Variants in LGALS9 observed in about 807,000 individuals in gnomAD.
The protein encoded by LGALS9 is galectin-9.
In LGALS9, 26 loss-of-function variants were observed where a neutral mutation model predicts 35.9. The ratio of observed to expected loss-of-function variants is 0.72; its 90% CI spans 0.53 to 1.01. LGALS9 has a LOEUF of 1.01. Ranked by LOEUF, LGALS9 falls within the 50% of genes least tolerant of loss-of-function variation. The probability of loss-of-function intolerance (pLI) is 0.00; values close to 1 mark genes in which losing one functional copy is unlikely to be tolerated. For missense variants in LGALS9, 347 were observed against 445.8 expected (o/e 0.78, Z 1.99); for synonymous variants, 149 against 172.2 (o/e 0.87, Z 1.06).
At chr17:27,643,128 G>T (rs1405339994) in intron 4 of LGALS9, among the ~76,000 whole-genome samples, 22 of 152,222 alleles carry the variant, frequency 1.4e-4, no homozygotes, top group Non-Finnish European at 1.5e-5. Context: ...GAAGATTAGG[G>T]TATGCTGGGC....
At chr17:27,648,743 G>C (rs112200383) in intron 10 of LGALS9, 93 bp from the exon 11 acceptor site, 49 of 1,594,588 alleles carry the variant, frequency 3.1e-5, no homozygotes, top group African/African-American at 2.6e-4. Flanking sequence ...AACAACTGAG[G>C]AGGGAGGGAG....
At chr17:27,648,726 G>A in intron 10 of LGALS9, 110 bp from the exon 11 acceptor site, 1 of 1,548,872 alleles carries the variant, frequency 6.5e-7, no homozygotes, top group Admixed American at 1.8e-5. Flanking sequence ...CAGGTGAGGG[G>A]CTTATTAACA....
At chr17:27,645,592 A>G in intron 6 of LGALS9, 1 of 616,232 alleles carries the variant, frequency 1.6e-6, no homozygotes, top group Non-Finnish European at 2.8e-6. Flanking sequence ...TGTCACCTGC[A>G]AAGGGAGGCT....
At chr17:27,641,377 C>T (rs1904486383) in intron 3 of LGALS9, among the ~76,000 whole-genome samples, 1 of 152,148 alleles carries the variant, frequency 6.6e-6, no homozygotes, top group Admixed American at 6.5e-5. Flanking sequence ...AGATCATGTC[C>T]TTTGCAGGAA....
intron 10 of LGALS9, among the ~76,000 whole-genome samples, chr17:27,648,016 C>T (rs1174458070): frequency 2.6e-5 from 4 of 152,240 alleles, no homozygotes; most frequent in South Asian, 4.1e-4. Context: ...CAGGCGTGCT[C>T]CACCCTGACT....
rs1905137670 is a variant in LGALS9 at position 27,649,073 on chromosome 17, C to A, written c.*91C>A. On this transcript the variant is annotated 3_prime_UTR_variant, in exon 11 of 11. Transcript: ENST00000395473. ...ACTTCCCAGGCCCAGCCTTTCCAAC[C>A]CTGCCTGGGATCTGGGCTTTAATGC... 10 of 1,582,896 alleles carry A rather than the reference C, an allele frequency of 6.3e-6. No individual in the cohort carries two copies. Among genetic ancestry groups the A allele is most frequent in the Non-Finnish European group, 8.6e-6 (10 of 1,159,276 alleles).
chr17:27,639,797 C>T (rs959215602), intron 2 of LGALS9, among the ~76,000 whole-genome samples: 22 of 152,050 alleles, frequency 1.4e-4, no homozygotes, highest in African/African-American at 4.3e-4. Flanking sequence ...AGTGCTGTGG[C>T]GCTATCTGGG....
intron 1 of LGALS9, among the ~76,000 whole-genome samples, chr17:27,638,016 C>T (rs1410610668): frequency 1.3e-5 from 2 of 152,176 alleles, no homozygotes; most frequent in South Asian, 2.1e-4. Context: ...CTCCCTGTCG[C>T]GTCCTCTCAG....
At chr17:27,637,704 T>C (rs2074468550) in intron 1 of LGALS9, among the ~76,000 whole-genome samples, 1 of 152,144 alleles carries the variant, frequency 6.6e-6, no homozygotes, top group African/African-American at 2.4e-5. Context: ...ACAGTGGCCA[T>C]TGTTATATGG....
chr17:27,638,794 C>A (rs2074483744), intron 2 of LGALS9: 1 of 295,756 alleles, frequency 3.4e-6, no homozygotes, highest in Non-Finnish European at 6.6e-6. Flanking sequence ...AAGGCCTTTT[C>A]TAGAAACTAC....
intron 10 of LGALS9, 142 bp downstream of exon 10, chr17:27,647,574 A>AATTATTATTATT (rs61484244): frequency 4.6e-6 from 5 of 1,078,360 alleles, no homozygotes; most frequent in Admixed American, 5.7e-5. Flanking sequence ...GTGGCCAACA[A>AATTATTATTATT]ATTATTATTA....
intron 2 of LGALS9, chr17:27,638,870 G>T: frequency 4.4e-6 from 1 of 228,670 alleles, no homozygotes; most frequent in Non-Finnish European, 8.7e-6. Context: ...CTCCCAAGGT[G>T]GGCTGTCTGG....
chr17:27,641,837 G>T (rs939541236), intron 3 of LGALS9, among the ~76,000 whole-genome samples: 20 of 152,156 alleles, frequency 1.3e-4, no homozygotes, highest in Middle Eastern at 6.8e-3. Flanking sequence ...AGCTGGGTAT[G>T]GTGGTGGGCT....
At position 27,638,796 on chromosome 17, in the gene LGALS9, A is replaced by G. The variant is rs553341584; in HGVS notation, c.131+442A>G. On this transcript the variant is annotated intron_variant, in intron 2 of 10. Coordinates refer to ENST00000395473, the MANE Select transcript of LGALS9 (RefSeq NM_009587.3). ...CTCTTTTGGTTTCAAGGCCTTTTCTAGAAACTACTAAGTCAATTCAACATA... is the reference window on the plus strand; with the variant it reads ...CTCTTTTGGTTTCAAGGCCTTTTCTGGAAACTACTAAGTCAATTCAACATA... The G allele has an allele frequency of 1.5e-4, 46 of 297,306 alleles. 1 individual carries two copies. Among genetic ancestry groups the G allele is most frequent in the South Asian group, 1.1e-3 (36 of 31,958 alleles). 18.4% of individuals were successfully genotyped at this position (297,306 alleles called of 1,614,324 possible).
intron 1 of LGALS9, 148 bp downstream of exon 1, chr17:27,631,452 A>C: frequency 9.2e-7 from 1 of 1,088,940 alleles, no homozygotes; most frequent in Non-Finnish European, 1.3e-6. Flanking sequence ...AGAGGAGGTC[A>C]TCCTGGCACA....
chr17:27,642,796 G>A (rs1475706652), intron 4 of LGALS9, among the ~76,000 whole-genome samples: 2 of 152,212 alleles, frequency 1.3e-5, no homozygotes, highest in Non-Finnish European at 2.9e-5. Flanking sequence ...GGGTGGTTGT[G>A]TGGTTCAGTG....
rs1904895466 is a variant in LGALS9 at position 27,645,841 on chromosome 17, A to G, written c.577-20A>G. On this transcript the variant is annotated intron_variant, in intron 6 of 10. Transcript: ENST00000395473. ...TTTCACACGTGAGAGCCTGGGTGAGACCTGGTTTCTTTCTTCCAGACCCAG... is the reference window on the plus strand; with the variant it reads ...TTTCACACGTGAGAGCCTGGGTGAGGCCTGGTTTCTTTCTTCCAGACCCAG... 6.3e-7 allele frequency: 1 copy of G among 1,593,834 alleles called. No homozygotes were observed. Among genetic ancestry groups the G allele is most frequent in the South Asian group, 1.1e-5 (1 of 89,530 alleles).
chr17:27,643,032 G>C (rs1361370014), intron 4 of LGALS9, among the ~76,000 whole-genome samples: 2 of 152,168 alleles, frequency 1.3e-5, no homozygotes, highest in Admixed American at 6.5e-5. Flanking sequence ...GCAAGACCCT[G>C]TCTCCAAAAA....
chr17:27,640,714 C>G lies in LGALS9; in HGVS notation c.274C>G (p.Pro92Ala), dbSNP rs753232858. 89 of 1,614,070 alleles carry G rather than the reference C, an allele frequency of 5.5e-5. No homozygotes were observed. The highest frequency in any genetic ancestry group is 7.2e-5 in the Non-Finnish European group (85 of 1,180,032). The change falls in exon 3 of 11, where the codon CCT becomes GCT. Residue 92 changes from proline (P) to alanine (A), a missense_variant. Transcript: ENST00000395473. ...GCCCGAGGAGAGGAAGACACACATG[C>G]CTTTCCAGAAGGGGATGCCCTTTGA... The part of the protein sequence containing the change: ...WGPEERKTHM[P>A]FQKGMPFDLC...
Sources: gnomAD v4.1 joint callset for allele counts (sites outside exome capture counted in the v4.1 genomes callset) on GRCh38, gnomAD v4.1.1 for gene constraint, MANE v1.5 for transcripts, NCBI Gene and HGNC (gene_info 2026-07-23, HGNC 2026-07-21) for gene names.